SIPA1L1: variants seen among roughly 807,000 people sequenced by gnomAD.
SIPA1L1 encodes signal-induced proliferation-associated 1-like protein 1.
A neutral mutation model predicts 162.7 loss-of-function variants in SIPA1L1; 26 were observed. The observed-to-expected ratio is 0.16, with a 90% CI of 0.12 to 0.22. The LOEUF (loss-of-function observed/expected upper bound fraction) is 0.22. Ranked by LOEUF, SIPA1L1 falls within the 10% of genes least tolerant of loss-of-function variation. The pLI, the probability that SIPA1L1 is intolerant of heterozygous loss-of-function variation, is 1.00. For synonymous variants in SIPA1L1, 829 were observed against 837.4 expected, an observed-to-expected ratio of 0.99 and a Z score of 0.17; for missense variants, 1,874 against 2,241.0, an observed-to-expected ratio of 0.84 and a Z score of 3.31.
rs1040528585 is a variant in SIPA1L1 at position 71,547,260 on chromosome 14, T to G, written c.-303+17890T>G. Among the ~76,000 whole-genome samples the G allele has an allele frequency of 2.6e-5, 4 of 152,002 alleles. No individual in the cohort carries two copies. In the South Asian group the frequency reaches 8.3e-4, roughly 31 times the overall value. ...GTCTTATATTTCATTATTGGATAGA[T>G]TCATAAGATTCGTCACTTAATATGA... is the stretch of plus-strand genomic sequence containing the variant. On this transcript the variant is annotated intron_variant, in intron 4 of 23. Transcript: ENST00000381232.
chr14:71,681,926 C>T (rs769806178), intron 12 of SIPA1L1, among the ~76,000 whole-genome samples: 3 of 152,204 alleles, frequency 2.0e-5, no homozygotes, highest in Non-Finnish European at 4.4e-5. Flanking sequence ...CCTCTTATCA[C>T]GTTTAGCATT....
intron 4 of SIPA1L1, among the ~76,000 whole-genome samples, chr14:71,548,264 G>A (rs915736688): frequency 6.6e-6 from 1 of 152,202 alleles, no homozygotes; most frequent in Non-Finnish European, 1.5e-5. Context: ...TTTTGCTTAA[G>A]TGTAAGGTCA....
chr14:71,686,651 C>T (rs1185598468), intron 13 of SIPA1L1, among the ~76,000 whole-genome samples: 2 of 152,152 alleles, frequency 1.3e-5, no homozygotes, highest in African/African-American at 4.8e-5. Flanking sequence ...TCAAGCGAGT[C>T]TCCTGTCTCA....
intron 17 of SIPA1L1, 28 bp downstream of exon 17, chr14:71,709,692 C>A: frequency 6.3e-7 from 1 of 1,583,444 alleles, no homozygotes; most frequent in Non-Finnish European, 8.6e-7. Context: ...CTGTCTGATT[C>A]CCAGCCCAGA....
chr14:71,735,129 C>T (rs2085168120), intron 21 of SIPA1L1, 148 bp from the exon 22 acceptor site: 1 of 639,084 alleles, frequency 1.6e-6, no homozygotes, highest in East Asian at 2.6e-5. Flanking sequence ...TCATATTTTT[C>T]CCTGTGAGGG....
At chr14:71,622,782 A>C (rs1297610666) in intron 6 of SIPA1L1, among the ~76,000 whole-genome samples, 2 of 152,136 alleles carry the variant, frequency 1.3e-5, no homozygotes, top group Non-Finnish European at 2.9e-5. Flanking sequence ...TTCTGAGTAT[A>C]CATCGTCCCC....
chr14:71,388,997 C>G (rs560857137), intron 2 of SIPA1L1, among the ~76,000 whole-genome samples: 2 of 152,108 alleles, frequency 1.3e-5, no homozygotes, highest in Non-Finnish European at 2.9e-5. Context: ...CCAGGCTGGT[C>G]TCGAACTCCT....
chr14:71,372,416 T>A (rs1035123336), intron 2 of SIPA1L1, among the ~76,000 whole-genome samples: 4 of 152,210 alleles, frequency 2.6e-5, no homozygotes, highest in Non-Finnish European at 5.9e-5. Flanking sequence ...TACAAGGAGC[T>A]GTTTTTTGAG....
intron 4 of SIPA1L1, among the ~76,000 whole-genome samples, chr14:71,539,269 G>T (rs1160804121): frequency 6.6e-6 from 1 of 152,154 alleles, no homozygotes; most frequent in African/African-American, 2.4e-5. Flanking sequence ...AAATGGAGGA[G>T]AATATTGTCT....
intron 3 of SIPA1L1, among the ~76,000 whole-genome samples, chr14:71,527,213 T>G (rs984198489): frequency 3.9e-5 from 6 of 152,162 alleles, no homozygotes; most frequent in African/African-American, 1.4e-4. Flanking sequence ...GGTGGTGCAA[T>G]TAGAGCTCAC....
At chr14:71,690,789 C>G (rs555129441) in intron 13 of SIPA1L1, among the ~76,000 whole-genome samples, 40 of 152,340 alleles carry the variant, frequency 2.6e-4, no homozygotes, top group African/African-American at 9.4e-4. Context: ...TCCACTTGAG[C>G]AACCTCAACT....
intron 2 of SIPA1L1, among the ~76,000 whole-genome samples, chr14:71,504,342 C>T (rs1179790910): frequency 6.6e-6 from 1 of 152,056 alleles, no homozygotes; most frequent in Non-Finnish European, 1.5e-5. Flanking sequence ...TGAATCAGAA[C>T]CGTGGGGATC....
At chr14:71,693,237 TG>T (rs759149972) in intron 13 of SIPA1L1, among the ~76,000 whole-genome samples, 3 of 152,210 alleles carry the variant, frequency 2.0e-5, no homozygotes, top group Non-Finnish European at 2.9e-5. Flanking sequence ...CCAACTGCTG[TG>T]GCTCACACTG....
At chr14:71,483,764 A>C (rs2048525909) in intron 2 of SIPA1L1, among the ~76,000 whole-genome samples, 1 of 152,158 alleles carries the variant, frequency 6.6e-6, no homozygotes, top group South Asian at 2.1e-4. Flanking sequence ...TCACTGGAGA[A>C]AGTTCAGGAG....
intron 2 of SIPA1L1, among the ~76,000 whole-genome samples, chr14:71,446,906 GTTTTT>G (rs1189940440): frequency 7.5e-5 from 4 of 53,242 alleles, no homozygotes; most frequent in Non-Finnish European, 9.3e-5. Context: ...TTTTTTTTTT[GTTTTT>G]TTTTTTTTTT....
chr14:71,527,677 A>G (rs1350178542), intron 3 of SIPA1L1, among the ~76,000 whole-genome samples: 2 of 152,224 alleles, frequency 1.3e-5, no homozygotes, highest in Non-Finnish European at 2.9e-5. Context: ...ACATGGCTGA[A>G]TCTCACACAC....
intron 2 of SIPA1L1, chr14:71,415,873 T>C (rs943007377): frequency 2.0e-5 from 3 of 152,262 alleles, no homozygotes; most frequent in African/African-American, 7.2e-5. Flanking sequence ...AATTTTTGTA[T>C]TTTTAGTAGA....
At chr14:71,467,221 G>A (rs1005504578) in intron 2 of SIPA1L1, 15 of 152,120 alleles carry the variant, frequency 9.9e-5, no homozygotes, top group Non-Finnish European at 2.1e-4. Flanking sequence ...ATTCTTTGTC[G>A]TTCAAGTGAA....
intron 2 of SIPA1L1, among the ~76,000 whole-genome samples, chr14:71,329,519 C>A (rs1484373688): frequency 6.6e-6 from 1 of 151,742 alleles, no homozygotes; most frequent in Admixed American, 6.6e-5. Flanking sequence ...CAGCTCACTG[C>A]AACGTCCACC....
Sources: gnomAD v4.1 joint callset for allele counts (sites outside exome capture counted in the v4.1 genomes callset) on GRCh38, gnomAD v4.1.1 for gene constraint, MANE v1.5 for transcripts, NCBI Gene and HGNC (gene_info 2026-07-23, HGNC 2026-07-21) for gene names.